GLIS3: variants seen among roughly 807,000 people sequenced by gnomAD.
GLIS3 encodes zinc finger protein GLIS3.
Under a neutral mutation model 78.6 loss-of-function variants are expected in GLIS3, and 53 were observed. The observed-to-expected ratio is 0.67, with a 90% CI of 0.54 to 0.85. The LOEUF is 0.85. GLIS3 is among the 40% of genes least tolerant of loss of function. The pLI, the probability that GLIS3 is intolerant of heterozygous loss-of-function variation, is 0.00. For missense variants in GLIS3, 1,703 were observed against 1,231.1 expected, an observed-to-expected ratio of 1.38 and a Z score of -5.74; for synonymous variants, 684 against 509.9, an observed-to-expected ratio of 1.34 and a Z score of -4.60.
intron 2 of GLIS3, among the ~76,000 whole-genome samples, chr9:4,154,024 A>G (rs894533245): frequency 2.0e-5 from 3 of 152,202 alleles, no homozygotes; most frequent in African/African-American, 7.2e-5. Context: ...GATGCTGGCT[A>G]TCAGCTAGGA....
intron 2 of GLIS3, among the ~76,000 whole-genome samples, chr9:4,201,288 A>G (rs1819368288): frequency 2.0e-5 from 3 of 152,198 alleles, no homozygotes; most frequent in Non-Finnish European, 4.4e-5. Context: ...AAGGATGACC[A>G]CTTTCACCAG....
At chr9:4,109,554 G>A (rs958781245) in intron 4 of GLIS3, among the ~76,000 whole-genome samples, 7 of 152,196 alleles carry the variant, frequency 4.6e-5, no homozygotes, top group Admixed American at 3.9e-4. Flanking sequence ...TAAACTTTAA[G>A]AGATAATGGA....
At chr9:3,973,027 T>G (rs1432687806) in intron 4 of GLIS3, among the ~76,000 whole-genome samples, 1 of 152,078 alleles carries the variant, frequency 6.6e-6, no homozygotes, top group African/African-American at 2.4e-5. Flanking sequence ...CACCTTCAGG[T>G]GCAATAATTC....
At chr9:4,242,068 C>G (rs1010437150) in intron 2 of GLIS3, among the ~76,000 whole-genome samples, 1 of 152,188 alleles carries the variant, frequency 6.6e-6, no homozygotes, top group African/African-American at 2.4e-5. Flanking sequence ...ATTTATCCTG[C>G]TGCTTTGGGT....
rs1160682513 is a variant in GLIS3, at chr9:4,286,235, G to A, written c.191C>T (p.Ser64Leu). ...GTTCTGAGGAGCCATCCCTCCTCCTGAGGGCATCTTGAGATGGAGGTTGTT... is the reference window on the plus strand; with the variant it reads ...GTTCTGAGGAGCCATCCCTCCTCCTAAGGGCATCTTGAGATGGAGGTTGTT... ...LANNLHLKMP[S>L]GGGMAPQNNV... is the part of the protein sequence containing the mutation. Residue 64 changes from serine (S) to leucine (L), a missense_variant, in exon 2 of 11, where the codon TCA (serine) becomes TTA (leucine). Physicochemically the swap from Ser to Leu is moderately radical, Grantham distance 145. Transcript: ENST00000381971. 5.6e-6 allele frequency: 9 copies of A among 1,614,102 alleles called. No homozygotes were observed. The highest frequency in any genetic ancestry group is 7.6e-6 in the Non-Finnish European group (9 of 1,180,046).
chr9:4,332,965 G>GT (rs1314872432), intron 2 of GLIS3, among the ~76,000 whole-genome samples: 4 of 152,308 alleles, frequency 2.6e-5, no homozygotes, highest in Non-Finnish European at 5.9e-5. Context: ...CAATGTTAAC[G>GT]TTTTCAGCTC....
chr9:4,409,003 TTAAA>T, the GLIS3 span, among the ~76,000 whole-genome samples: 2 of 151,732 alleles, frequency 1.3e-5, no homozygotes, highest in African/African-American at 2.4e-5. Context: ...AATTAAAAAA[TTAAA>T]TATATATGTA....
chr9:3,936,263 G>C (rs957247755), intron 5 of GLIS3, among the ~76,000 whole-genome samples: 7 of 152,072 alleles, frequency 4.6e-5, no homozygotes, highest in Non-Finnish European at 7.4e-5. Flanking sequence ...TAACGAAAAT[G>C]GCATCAAAAC....
At chr9:3,840,839 T>A (rs1818667991) in intron 9 of GLIS3, among the ~76,000 whole-genome samples, 1 of 152,198 alleles carries the variant, frequency 6.6e-6, no homozygotes, top group Non-Finnish European at 1.5e-5. Context: ...ACATGCTGGG[T>A]ACTTTCTCCA....
chr9:4,053,505 C>G (rs1825888838), intron 4 of GLIS3, among the ~76,000 whole-genome samples: 1 of 151,986 alleles, frequency 6.6e-6, no homozygotes, highest in Non-Finnish European at 1.5e-5. Context: ...CTCTTCCTTT[C>G]TAGACTTAAA....
At chr9:4,231,661 A>C (rs1480089171) in intron 2 of GLIS3, among the ~76,000 whole-genome samples, 2 of 152,346 alleles carry the variant, frequency 1.3e-5, no homozygotes, top group South Asian at 4.1e-4. Flanking sequence ...GTCAAGGCCA[A>C]CAATGTAAAA....
the GLIS3 span, among the ~76,000 whole-genome samples, chr9:4,388,028 G>A: frequency 3.9e-5 from 6 of 152,242 alleles, no homozygotes; most frequent in South Asian, 4.1e-4. Context: ...TAAAAGGAGC[G>A]AACCAATGTT....
At chr9:4,265,739 A>G (rs554679944) in intron 2 of GLIS3, among the ~76,000 whole-genome samples, 15 of 152,300 alleles carry the variant, frequency 9.8e-5, no homozygotes, top group African/African-American at 3.6e-4. Context: ...TGAGGCATCA[A>G]ATGGAACTTC....
In GLIS3 at chr9:3,829,445, A is replaced by T. The variant is rs1817918708; in HGVS notation, c.2521T>A (p.Ser841Thr). 2 of 1,613,986 alleles carry T rather than the reference A, an allele frequency of 1.2e-6. No individual in the cohort carries two copies. The highest frequency in any genetic ancestry group is 1.7e-5 in the Admixed American group (1 of 59,996). The change falls in exon 10 of 11, where the codon TCC (serine) becomes ACC (threonine). Residue 841 changes from serine to threonine, a missense_variant. Ser to Thr is a moderately conservative substitution (Grantham distance 58). Transcript: ENST00000381971. Reference protein sequence around the residue: ...QKFCPPHYPDSQRIVPPVSSC... With the variant: ...QKFCPPHYPDTQRIVPPVSSC... ...CTGACAGGCGGCACAATTCTCTGGG[A>T]ATCGGGGTAGTGTGGGGGACAGAAC...
intron 4 of GLIS3, among the ~76,000 whole-genome samples, chr9:4,024,145 C>G (rs753160914): frequency 2.0e-5 from 3 of 152,112 alleles, no homozygotes; most frequent in Admixed American, 2.0e-4. Flanking sequence ...ATGCCAAGAG[C>G]CAGAGCGAGG....
chr9:4,460,252 T>C, the GLIS3 span, among the ~76,000 whole-genome samples: 67 of 152,122 alleles, frequency 4.4e-4, no homozygotes, highest in African/African-American at 1.5e-3. Flanking sequence ...AAAAGAAAGA[T>C]GACATCTGCA....
chr9:3,978,745 G>C (rs1463228995), intron 4 of GLIS3, among the ~76,000 whole-genome samples: 3 of 151,806 alleles, frequency 2.0e-5, no homozygotes, highest in African/African-American at 7.3e-5. Context: ...AATTATCTTA[G>C]GATAAATTAT....
intron 2 of GLIS3, among the ~76,000 whole-genome samples, chr9:4,195,405 G>A (rs1479760521): frequency 6.6e-6 from 1 of 152,204 alleles, no homozygotes; most frequent in African/African-American, 2.4e-5. Flanking sequence ...GCCAGCCGGT[G>A]CCACCGGCCC....
rs559470713 is a variant in GLIS3, at chr9:4,143,673, C to T, written c.389-17732G>A. On this transcript the variant is annotated intron_variant, in intron 2 of 10. Coordinates refer to ENST00000381971, the MANE Select transcript of GLIS3 (RefSeq NM_001042413.2). ...CATTGTGCATGAGCAATCTCCAGAA[C>T]TTATTCGTCTTGCATACACTGAAAC... is the stretch of plus-strand genomic sequence containing the variant. 2.9e-3 allele frequency among the ~76,000 whole-genome samples: 444 copies of T among 152,322 alleles called. 2 individuals carry two copies. Among genetic ancestry groups the T allele is most frequent in the Admixed American group, 6.5e-3 (99 of 15,306 alleles).
Sources: gnomAD v4.1 joint callset for allele counts (sites outside exome capture counted in the v4.1 genomes callset) on GRCh38, gnomAD v4.1.1 for gene constraint, MANE v1.5 for transcripts, NCBI Gene and HGNC (gene_info 2026-07-23, HGNC 2026-07-21) for gene names.